The following LZTFL1 variants were observed in gnomAD, a reference collection of about 807,000 sequenced individuals.
LZTFL1 encodes the protein leucine zipper transcription factor like 1.
A neutral mutation model predicts 45.9 loss-of-function variants in LZTFL1; 25 were observed. The observed-to-expected ratio is 0.54, with a 90% CI of 0.40 to 0.76. The LOEUF (loss-of-function observed/expected upper bound fraction) is 0.76, where lower values mean the gene tolerates loss of function less well. Ranked by LOEUF, LZTFL1 falls within the 30% of genes least tolerant of loss-of-function variation. LZTFL1 has a pLI of 0.00. For missense variants in LZTFL1, 277 were observed against 331.1 expected (o/e 0.84, Z 1.27); for synonymous variants, 93 against 117.4 (o/e 0.79, Z 1.35).
At chr3:45,832,975 C>A in intron 5 of LZTFL1, 75 bp downstream of exon 5, 1 of 1,106,958 alleles carries the variant, frequency 9.0e-7, no homozygotes. Flanking sequence ...ACAAACCTTC[C>A]ACTTCTGTTT....
Position 45,870,547 on chromosome 3 carries a change from C to T in LZTFL1, c.-214-11531G>A, listed in dbSNP as rs189703230. On this transcript the variant is annotated intron_variant, in intron 2 of 4. Transcript: ENST00000472635. ...TTGATGATCAGATGAACAATGAGTG[C>T]TTTTGACAAATGGGATGATTTTATA... 2.0e-3 allele frequency among the ~76,000 whole-genome samples: 303 copies of T among 152,250 alleles called. 1 individual carries two copies. Among genetic ancestry groups the T allele is most frequent in the Non-Finnish European group, 3.7e-3 (250 of 68,018 alleles).
chr3:45,840,330 C>T (rs928959857), intron 1 of LZTFL1, among the ~76,000 whole-genome samples: 11 of 152,196 alleles, frequency 7.2e-5, no homozygotes, highest in Non-Finnish European at 1.3e-4. Context: ...TACTTCCACA[C>T]ATATACTATA....
At chr3:45,871,470 G>A (rs953109483) in intron 2 of LZTFL1, among the ~76,000 whole-genome samples, 1 of 152,014 alleles carries the variant, frequency 6.6e-6, no homozygotes, top group Non-Finnish European at 1.5e-5. Context: ...ATGTTTTTCC[G>A]CTCATCTGGG....
intron 2 of LZTFL1, among the ~76,000 whole-genome samples, chr3:45,871,768 A>G (rs1701674697): frequency 6.6e-6 from 1 of 152,196 alleles, no homozygotes; most frequent in African/African-American, 2.4e-5. Context: ...ATGAAAGACA[A>G]AGAAAAGAAA....
At position 45,839,383 on chromosome 3, in the gene LZTFL1, C is replaced by T. The variant is rs114950143; in HGVS notation, c.4-1332G>A. 6.9e-3 allele frequency among the ~76,000 whole-genome samples: 1,045 copies of T among 152,224 alleles called. 7 individuals are homozygous for T. Among genetic ancestry groups the T allele is most frequent in the African/African-American group, 0.023 (963 of 41,540 alleles). ...GATTACAGAGGTGAGCCACCACGCC[C>T]GGCCCAGATTCTTAATAATTATTCA... On this transcript the variant is annotated intron_variant, in intron 1 of 9. Transcript: ENST00000296135.
intron 2 of LZTFL1, among the ~76,000 whole-genome samples, chr3:45,910,502 G>A (rs982668782): frequency 6.6e-6 from 1 of 152,198 alleles, no homozygotes; most frequent in Non-Finnish European, 1.5e-5. Flanking sequence ...GAGGTCAAGA[G>A]AGAGTGGAGG....
intron 2 of LZTFL1, among the ~76,000 whole-genome samples, chr3:45,871,082 A>G (rs1159802871): frequency 1.3e-5 from 2 of 152,242 alleles, no homozygotes; most frequent in African/African-American, 2.4e-5. Flanking sequence ...GAATGAAAGT[A>G]CCATCCTTTA....
In LZTFL1 at chr3:45,830,989, G is replaced by A; in HGVS notation, c.524C>T (p.Ala175Val). 6.2e-7 allele frequency: 1 copy of A among 1,613,410 alleles called. No homozygotes were observed. The highest frequency in any genetic ancestry group is 8.5e-7 in the Non-Finnish European group (1 of 1,179,458). Reference sequence around the variant, plus strand: ...TGACTTTTCATCCAGTGCATTTGTAGCCTATAGTGAAGTTTAAACAAAACA... The same window carrying A: ...TGACTTTTCATCCAGTGCATTTGTAACCTATAGTGAAGTTTAAACAAAACA... ...KSRLKTIEIQATNALDEKSKL... is the reference protein window; with the variant it reads ...KSRLKTIEIQVTNALDEKSKL... Residue 175 changes from alanine (A) to valine (V), a missense_variant and splice_region_variant, in exon 7 of 10, where the codon GCT becomes GTT. Physicochemically the swap from Ala to Val is moderately conservative, Grantham distance 64 (BLOSUM62 0). Coordinates refer to ENST00000296135, the MANE Select transcript of LZTFL1 (RefSeq NM_020347.4).
chr3:45,887,278 G>A (rs1230301108), intron 2 of LZTFL1, among the ~76,000 whole-genome samples: 1 of 144,944 alleles, frequency 6.9e-6, no homozygotes, highest in African/African-American at 2.7e-5. Context: ...TGTGTGTGAG[G>A]TTGTGTTACA....
In LZTFL1 at chr3:45,900,841, G is replaced by C. The variant is rs1702527421; in HGVS notation, c.-215+12279C>G. 1 of 1,613,654 alleles carries C rather than the reference G, an allele frequency of 6.2e-7. No individual in the cohort carries two copies. Among genetic ancestry groups the C allele is most frequent in the Non-Finnish European group, 8.5e-7 (1 of 1,179,688 alleles). On this transcript the variant is annotated intron_variant, in intron 2 of 4. Coordinates refer to the LZTFL1 transcript ENST00000472635. The surrounding 1 kb of genome is among the most constrained non-coding windows in gnomAD (Gnocchi z 4.7). The stretch of plus-strand genomic sequence containing the variant: ...ATTCCTAACATGGCTGATGACTATG[G>C]CTCTGAATCCACATCTTCCATGGAA...
At chr3:45,892,356 T>C (rs1289404587) in intron 2 of LZTFL1, among the ~76,000 whole-genome samples, 2 of 152,148 alleles carry the variant, frequency 1.3e-5, no homozygotes, top group Non-Finnish European at 2.9e-5. Flanking sequence ...GTGGTACATA[T>C]ACATCATGGA....
intron 2 of LZTFL1, among the ~76,000 whole-genome samples, chr3:45,884,954 C>A (rs1466449487): frequency 6.6e-6 from 1 of 151,420 alleles, no homozygotes; most frequent in African/African-American, 2.4e-5. Context: ...TTGCAATGAG[C>A]GCCCGCCGAG....
intron 7 of LZTFL1, among the ~76,000 whole-genome samples, 193 bp downstream of exon 7, chr3:45,830,720 T>C (rs1352492013): frequency 2.0e-5 from 3 of 152,058 alleles, no homozygotes; most frequent in East Asian, 3.9e-4. Context: ...CCCTAGAGGA[T>C]GGACAGAGGG....
At chr3:45,878,471 T>A (rs1189893052) in intron 2 of LZTFL1, among the ~76,000 whole-genome samples, 1 of 151,842 alleles carries the variant, frequency 6.6e-6, no homozygotes, top group African/African-American at 2.4e-5. Flanking sequence ...AGGGCAGGGG[T>A]TGGCGCTATG....
chr3:45,858,109 C>G (rs1701423354), intron 3 of LZTFL1, among the ~76,000 whole-genome samples: 1 of 152,140 alleles, frequency 6.6e-6, no homozygotes, highest in African/African-American at 2.4e-5. Flanking sequence ...TTTACACATT[C>G]AATTTTCAAG....
chr3:45,844,770 G>A (rs1701191945), upstream of LZTFL1, among the ~76,000 whole-genome samples: 1 of 152,186 alleles, frequency 6.6e-6, no homozygotes. Context: ...GTAGGCAAGA[G>A]GCTATTTTCA....
intron 3 of LZTFL1, 75 bp downstream of exon 3, chr3:45,835,515 G>T: frequency 7.0e-7 from 1 of 1,422,622 alleles, no homozygotes; most frequent in African/African-American, 1.4e-5. Context: ...AAAATATGCA[G>T]CCAAAGATGT....
intron 2 of LZTFL1, among the ~76,000 whole-genome samples, chr3:45,881,324 T>G (rs893485670): frequency 6.6e-6 from 1 of 152,112 alleles, no homozygotes; most frequent in African/African-American, 2.4e-5. Flanking sequence ...AAAACCAACA[T>G]TTCCTCCCAC....
chr3:45,854,071 T>C (rs1306950512), intron 4 of LZTFL1, among the ~76,000 whole-genome samples: 1 of 152,204 alleles, frequency 6.6e-6, no homozygotes, highest in African/African-American at 2.4e-5. Flanking sequence ...TCCTTTACAG[T>C]TTCCTGGGCT....
Sources: gnomAD v4.1 joint callset for allele counts (sites outside exome capture counted in the v4.1 genomes callset) on GRCh38, gnomAD v4.1.1 for gene constraint, Gnocchi (gnomAD v3.1) non-coding constraint, MANE v1.5 for transcripts, NCBI Gene and HGNC (gene_info 2026-07-23, HGNC 2026-07-21) for gene names.